The following WDR81 variants were observed in gnomAD, a reference collection of about 807,000 sequenced individuals.
WDR81 encodes WD repeat-containing protein 81.
In WDR81, 92 loss-of-function variants were observed where a neutral mutation model predicts 140.8. The observed-to-expected ratio is 0.65, with a 90% CI of 0.55 to 0.78. The LOEUF (loss-of-function observed/expected upper bound fraction) is 0.78. Ranked by LOEUF, WDR81 falls within the 30% of genes least tolerant of loss-of-function variation. The probability of loss-of-function intolerance (pLI) is 0.00; values close to 1 mark genes in which losing one functional copy is unlikely to be tolerated. For missense variants in WDR81, 2,502 were observed against 2,636.4 expected (o/e 0.95, Z 1.12); for synonymous variants, 1,183 against 1,156.4 (o/e 1.02, Z -0.47).
chr17:1,732,389 A>G lies in WDR81; in HGVS notation c.4222A>G (p.Ile1408Val), dbSNP rs767046362. 6.2e-7 allele frequency: 1 copy of G among 1,613,702 alleles called. No individual in the cohort carries two copies. The highest frequency in any genetic ancestry group is 1.7e-5 in the Admixed American group (1 of 60,012). Residue 1408 changes from isoleucine (I) to valine (V), a missense_variant, in exon 5 of 10, where the codon ATC becomes GTC. Transcript: ENST00000409644. Reference protein sequence around the residue: ...CVKTISLIALICLRIGQEMVQ... With the variant: ...CVKTISLIALVCLRIGQEMVQ... ...GAAAACCATCAGCCTCATCGCCCTCATCTGCCTGCGCATTGGACAGGAGAT... is the reference window on the plus strand; with the variant it reads ...GAAAACCATCAGCCTCATCGCCCTCGTCTGCCTGCGCATTGGACAGGAGAT...
chr17:1,727,706 T>A lies in WDR81; in HGVS notation c.2747T>A (p.Ile916Asn). 6.4e-7 allele frequency: 1 copy of A among 1,550,510 alleles called. No homozygotes were observed. The highest frequency in any genetic ancestry group is 8.7e-7 in the Non-Finnish European group (1 of 1,146,990). Residue 916 changes from isoleucine (I) to asparagine (N), a missense_variant, in exon 1 of 10, where the codon ATC becomes AAC. Physicochemically the swap from Ile to Asn is moderately radical, Grantham distance 149. This residue lies in a region of WDR81 where 1,737 missense variants were observed against 1,843.0 expected (regional missense o/e 0.94). Coordinates refer to ENST00000409644, the MANE Select transcript of WDR81 (RefSeq NM_001163809.2). Reference protein sequence around the residue: ...WQQLGAVLKDITPEGLEILLP... With the variant: ...WQQLGAVLKDNTPEGLEILLP... ...CAGCTGGGCGCGGTGCTGAAGGACA[T>A]CACCCCTGAGGGCCTGGAGATCCTG... is the stretch of plus-strand genomic sequence containing the variant.
chr17:1,726,424 G>C lies in WDR81; in HGVS notation c.1465G>C (p.Asp489His). The C allele has an allele frequency of 6.5e-7, 1 of 1,550,338 alleles. No individual in the cohort carries two copies. Reference protein sequence around the residue: ...SMERMQNWTPDECIPEFYTDP... With the variant: ...SMERMQNWTPHECIPEFYTDP... ...GGAGCGGATGCAGAACTGGACCCCG[G>C]ATGAGTGCATTCCGGAGTTCTACAC... Residue 489 changes from aspartate to histidine, a missense_variant, in exon 1 of 10, where the codon GAT becomes CAT. Physicochemically the swap from Asp to His is moderately conservative, Grantham distance 81 (BLOSUM62 -1). Transcript: ENST00000409644.
upstream of WDR81, chr17:1,724,684 G>T (rs1915090451): frequency 9.4e-7 from 1 of 1,064,616 alleles, no homozygotes; most frequent in Non-Finnish European, 1.1e-6. Context: ...CCGTGCTGGG[G>T]CGATCACGTG....
chr17:1,724,682 G>C, upstream of WDR81: 1 of 1,062,764 alleles, frequency 9.4e-7, no homozygotes, highest in Non-Finnish European at 1.1e-6. Context: ...TTCCGTGCTG[G>C]GGCGATCACG....
At chr17:1,716,575 C>T (rs1282094250) in exon 1 of WDR81, 1 of 1,551,540 alleles carries the variant, frequency 6.4e-7, no homozygotes, top group Non-Finnish European at 8.7e-7. Flanking sequence ...GTTTGCAATG[C>T]ATGCTGGTCC....
chr17:1,732,195 C>G, intron 4 of WDR81, 130 bp from the exon 5 acceptor site: 1 of 1,289,174 alleles, frequency 7.8e-7, no homozygotes. Context: ...CGAGATCGCA[C>G]CACTGCACTC....
chr17:1,723,902 G>T (rs772150795), upstream of WDR81, among the ~76,000 whole-genome samples: 6 of 152,210 alleles, frequency 3.9e-5, no homozygotes, highest in Non-Finnish European at 7.3e-5. Flanking sequence ...CCTCTCTGGC[G>T]GTTGTTGGTT....
At chr17:1,734,354 G>A in intron 7 of WDR81, 138 bp downstream of exon 7, 1 of 1,047,748 alleles carries the variant, frequency 9.5e-7, no homozygotes, top group South Asian at 1.7e-5. Flanking sequence ...GAACAGTTAG[G>A]GCTTCGAATC....
chr17:1,728,655 T>TCAAAAACACCTCCTGCTGGC (rs1915471761), intron 1 of WDR81, 29 bp downstream of exon 1: 2 of 1,445,272 alleles, frequency 1.4e-6, no homozygotes, highest in Non-Finnish European at 1.8e-6. Flanking sequence ...GAGGTGTTGG[T>TCAAAAACACCTCCTGCTGGC]CAAAAACACC....
Position 1,737,433 on chromosome 17 carries a change from G to A in WDR81, c.5574G>A (p.Glu1858=), listed in dbSNP as rs773192443. The part of the protein sequence containing the change: ...DHSLTVWKEL[E]QKPTHHYKSA... Reference sequence around the variant, plus strand: ...CCTTGACCGTCTGGAAGGAGCTGGAGCAGAAGCCCACCCATCACTACAAGT... The same window carrying A: ...CCTTGACCGTCTGGAAGGAGCTGGAACAGAAGCCCACCCATCACTACAAGT... Residue 1858 remains glutamate, a synonymous_variant, in exon 10 of 10, where the codon GAG becomes GAA. Transcript: ENST00000409644. The A allele has an allele frequency of 1.7e-5, 28 of 1,612,954 alleles. No individual in the cohort carries two copies. The highest frequency in any genetic ancestry group is 1.1e-4 in the South Asian group (10 of 91,084).
chr17:1,733,866 T>C lies in WDR81; in HGVS notation c.4829T>C (p.Val1610Ala). ...NALKQELPRS[V>A]HGLSGNWLAY... The stretch of plus-strand genomic sequence containing the variant: ...CTGAAGCAGGAGCTGCCGCGGAGCG[T>C]GCACGGGCTGAGCGGAAACTGGCTG... Residue 1610 changes from valine (V) to alanine (A), a missense_variant, in exon 7 of 10, where the codon GTG becomes GCG. By Grantham distance (64) the Val-to-Ala change is moderately conservative. Transcript: ENST00000409644. 1 of 1,612,756 alleles carries C rather than the reference T, an allele frequency of 6.2e-7. No individual in the cohort carries two copies. The highest frequency in any genetic ancestry group is 8.5e-7 in the Non-Finnish European group (1 of 1,179,938).
chr17:1,730,003 A>AAAGAAGAAG (rs34994724), intron 1 of WDR81, among the ~76,000 whole-genome samples: 28,769 of 144,752 alleles, frequency 0.2, 3,627 homozygotes, highest in East Asian at 0.48. Context: ...AAAAAAAAAA[A>AAAGAAGAAG]AAGAAGAAGA....
chr17:1,734,076 A>G lies in WDR81; in HGVS notation c.5039A>G (p.Tyr1680Cys), dbSNP rs553255718. ...RTVRLWPLYN[Y>C]GDGTSETAPR... ...GTGCGCCTCTGGCCGCTGTACAACT[A>G]CGGCGACGGGACCAGCGAGACGGCC... Residue 1680 changes from tyrosine (Y) to cysteine (C), a missense_variant, in exon 7 of 10, where the codon TAC becomes TGC. Around this residue, in one of 3 missense-constraint regions of WDR81, gnomAD observed 1,737 missense variants for 1,843.0 expected, o/e 0.94. Coordinates refer to ENST00000409644, the MANE Select transcript of WDR81 (RefSeq NM_001163809.2). 6.2e-7 allele frequency: 1 copy of G among 1,604,744 alleles called. No individual in the cohort carries two copies. Among genetic ancestry groups the G allele is most frequent in the South Asian group, 1.1e-5 (1 of 91,076 alleles).
Position 1,734,236 on chromosome 17 carries a change from G to A in WDR81, c.5179+20G>A. The A allele has an allele frequency of 6.5e-7, 1 of 1,543,964 alleles. No individual in the cohort carries two copies. Among genetic ancestry groups the A allele is most frequent in the Non-Finnish European group, 8.7e-7 (1 of 1,149,440 alleles). On this transcript the variant is annotated intron_variant, in intron 7 of 9. Coordinates refer to ENST00000409644, the MANE Select transcript of WDR81 (RefSeq NM_001163809.2). ...TCACAGGTGAGCGGGCCCAGGTGAG[G>A]CCTGTTCTCTTCCTGCTCCTGCGCC...
At position 1,726,266 on chromosome 17, in the gene WDR81, A is replaced by T; in HGVS notation, c.1307A>T (p.His436Leu). 1 of 1,537,622 alleles carries T rather than the reference A, an allele frequency of 6.5e-7. No homozygotes were observed. Residue 436 changes from histidine (H) to leucine (L), a missense_variant, in exon 1 of 10, where the codon CAT becomes CTT. By Grantham distance (99) the His-to-Leu change is moderately conservative (BLOSUM62 -3). Transcript: ENST00000409644. ...AGGAGGGEPP[H>L]VPHHISDVLS... is the part of the protein sequence containing the mutation. ...GGGGCGGGCGGCGGGGAACCCCCTC[A>T]TGTTCCCCACCACATCTCAGACGTG...
chr17:1,724,086 C>T (rs1473434684), upstream of WDR81, among the ~76,000 whole-genome samples: 4 of 152,076 alleles, frequency 2.6e-5, no homozygotes, highest in East Asian at 1.9e-4. Context: ...CAGTTCTGGC[C>T]GGGCGCGGTG....
Position 1,735,318 on chromosome 17 carries a change from A to G in WDR81, c.5180-254A>G, listed in dbSNP as rs1904762510. ...GTGGCGGACGCCTGTAGTCCCAGCT[A>G]TTCGGGAGGCTGAGGCAAGAGAATT... is the stretch of plus-strand genomic sequence containing the variant. On this transcript the variant is annotated intron_variant, in intron 7 of 9. Transcript: ENST00000409644. This position sits in a 1 kb window ranked among gnomAD's most constrained non-coding sequence, Gnocchi z 4.2. Among the ~76,000 whole-genome samples, 1 of 152,186 alleles carries G rather than the reference A, an allele frequency of 6.6e-6. No individual in the cohort carries two copies. The highest frequency in any genetic ancestry group is 2.1e-4 in the South Asian group (1 of 4,830).
chr17:1,730,752 C>CAGG lies in WDR81; in HGVS notation c.3776-1_3777dup. The CAGG allele has an allele frequency of 6.2e-7, 1 of 1,604,700 alleles. No individual in the cohort carries two copies. Among genetic ancestry groups the CAGG allele is most frequent in the Non-Finnish European group, 8.5e-7 (1 of 1,175,280 alleles). ...CTCAGGGCTGCTGGCCCTTCCGTGGCAGGACCCACTCGGCAGCAGTTCACA... is the reference window on the plus strand; with the variant it reads ...CTCAGGGCTGCTGGCCCTTCCGTGGCAGGAGGACCCACTCGGCAGCAGTTCACA... On this transcript the variant is annotated splice_polypyrimidine_tract_variant and splice_region_variant and intron_variant, in intron 2 of 9. Coordinates refer to ENST00000409644, the MANE Select transcript of WDR81 (RefSeq NM_001163809.2).
chr17:1,735,990 G>T lies in WDR81; in HGVS notation c.5326-49G>T. 1 of 1,552,436 alleles carries T rather than the reference G, an allele frequency of 6.4e-7. No individual in the cohort carries two copies. The highest frequency in any genetic ancestry group is 8.7e-7 in the Non-Finnish European group (1 of 1,154,112). On this transcript the variant is annotated intron_variant, in intron 8 of 9. Transcript: ENST00000409644. This position sits in a 1 kb window ranked among gnomAD's most constrained non-coding sequence, Gnocchi z 4.2. ...TGGGTGGTGGGCAGGGCCTTGGGGA[G>T]TGTGAGATGGGAAGGTGGTGCCTCA...
Sources: allele counts gnomAD v4.1 joint callset (sites outside exome capture counted in the v4.1 genomes callset), GRCh38; gene constraint gnomAD v4.1.1; regional missense constraint gnomAD v4.1.1; non-coding constraint Gnocchi (gnomAD v3.1); transcripts MANE v1.5; gene names NCBI Gene and HGNC (gene_info 2026-07-23, HGNC 2026-07-21).